The following HECW2 variants were observed in gnomAD, a reference collection of about 807,000 sequenced individuals.
The protein encoded by HECW2 is E3 ubiquitin-protein ligase HECW2.
Under a neutral mutation model 175.2 loss-of-function variants are expected in HECW2, and 61 were observed. The ratio of observed to expected loss-of-function variants is 0.35; its 90% CI spans 0.28 to 0.43. The LOEUF is 0.43. Among genes scored for constraint, HECW2 ranks in the 20% least tolerant of loss-of-function variants. The pLI, the probability that HECW2 is intolerant of heterozygous loss-of-function variation, is 1.00. For synonymous variants in HECW2, 671 were observed against 731.0 expected (o/e 0.92, Z 1.32); for missense variants, 1,524 against 2,000.5 (o/e 0.76, Z 4.54).
At chr2:196,458,335 T>G (rs1276883269) in intron 1 of HECW2, among the ~76,000 whole-genome samples, 6 of 152,050 alleles carry the variant, frequency 3.9e-5, no homozygotes, top group Non-Finnish European at 8.8e-5. Flanking sequence ...ACCAATTCTA[T>G]TAAATTCTAC....
At chr2:196,283,341 T>G (rs1446749082) in intron 14 of HECW2, among the ~76,000 whole-genome samples, 1 of 149,474 alleles carries the variant, frequency 6.7e-6, no homozygotes, top group Non-Finnish European at 1.5e-5. Context: ...AACCCTAGAC[T>G]GCCTACCTCT....
intron 2 of HECW2, among the ~76,000 whole-genome samples, chr2:196,388,938 A>C (rs918349370): frequency 5.9e-5 from 9 of 152,218 alleles, no homozygotes; most frequent in African/African-American, 2.2e-4. Flanking sequence ...AAGCATGGTT[A>C]CTGCCACTCT....
In HECW2 at chr2:196,362,225, C is replaced by G. The variant is rs540130529; in HGVS notation, c.293-18461G>C. The G allele has an allele frequency of 1.3e-5, 13 of 984,742 alleles. No homozygotes were observed. The South Asian group carries it at 5.6e-4, about 43-fold the overall frequency. The allele number at this position is 984,742 out of a possible 1,614,324, so 61.0% of individuals were successfully genotyped here. A position where few individuals can be genotyped will look rare whatever the true frequency, so the allele number is the denominator to read the frequency against. On this transcript the variant is annotated intron_variant, in intron 2 of 28. Coordinates refer to ENST00000644978, the MANE Select transcript of HECW2 (RefSeq NM_001348768.2). ...CGGCTGAGGCAGTCGTGGCCACACCCCTGTAAAGGGTACAGGATGCAATCG... is the reference window on the plus strand; with the variant it reads ...CGGCTGAGGCAGTCGTGGCCACACCGCTGTAAAGGGTACAGGATGCAATCG...
At position 196,335,534 on chromosome 2, in the gene HECW2, T is replaced by C. The variant is rs1386559608; in HGVS notation, c.401-1016A>G. ...AGTGGGGCTGCTCAATGTATTTCCCTAAGGAAGTTCATCTTTCACTGACTT... is the reference window on the plus strand; with the variant it reads ...AGTGGGGCTGCTCAATGTATTTCCCCAAGGAAGTTCATCTTTCACTGACTT... On this transcript the variant is annotated intron_variant, in intron 3 of 28. Coordinates refer to ENST00000644978, the MANE Select transcript of HECW2 (RefSeq NM_001348768.2). 2.0e-5 allele frequency among the ~76,000 whole-genome samples: 3 copies of C among 152,180 alleles called. No homozygotes were observed. The East Asian group carries it at 5.8e-4, about 29-fold the overall frequency.
chr2:196,298,484 C>CT (rs998943983), intron 13 of HECW2, among the ~76,000 whole-genome samples: 201 of 151,280 alleles, frequency 1.3e-3, no homozygotes, highest in Non-Finnish European at 2.5e-3. Context: ...ATCTATTTTT[C>CT]TTTTTTTTTA....
At position 196,524,810 on chromosome 2, in the gene HECW2, G is replaced by T. The variant is rs1318976426; in HGVS notation, c.-36+68698C>A. On this transcript the variant is annotated intron_variant, in intron 1 of 28. Coordinates refer to ENST00000644978, the MANE Select transcript of HECW2 (RefSeq NM_001348768.2). ...CTTTGAGTGAGATTCTTAATCCTGA[G>T]TTCTAGTTTGATTGCACTGTGGTCT... is the stretch of plus-strand genomic sequence containing the variant. Among the ~76,000 whole-genome samples, 10 of 117,420 alleles carry T rather than the reference G, an allele frequency of 8.5e-5. 1 individual carries two copies. The highest frequency in any genetic ancestry group is 1.4e-4 in the Non-Finnish European group (9 of 62,148). The allele number at this position is 117,420 out of a possible 152,430, so 77.0% of individuals were successfully genotyped here.
chr2:196,546,747 C>T (rs1451805168), intron 1 of HECW2, among the ~76,000 whole-genome samples: 1 of 149,628 alleles, frequency 6.7e-6, no homozygotes, highest in African/African-American at 2.5e-5. Flanking sequence ...GATTAGGCAA[C>T]ACAACAAGAT....
intron 2 of HECW2, among the ~76,000 whole-genome samples, chr2:196,407,817 G>A (rs891619306): frequency 2.6e-5 from 4 of 152,202 alleles, no homozygotes; most frequent in Non-Finnish European, 1.5e-5. Context: ...TAAAGTTGAT[G>A]TTTTATTCAT....
At chr2:196,560,287 A>G (rs976804322) in intron 1 of HECW2, among the ~76,000 whole-genome samples, 2 of 152,260 alleles carry the variant, frequency 1.3e-5, no homozygotes, top group East Asian at 3.9e-4. Flanking sequence ...CTGGGATTAC[A>G]GGTACCCATC....
chr2:196,353,881 T>C (rs540957849), intron 2 of HECW2, among the ~76,000 whole-genome samples: 3 of 152,304 alleles, frequency 2.0e-5, no homozygotes, highest in African/African-American at 7.2e-5. Context: ...ATAGATGACC[T>C]GACTTAGGGT....
intron 24 of HECW2, among the ~76,000 whole-genome samples, chr2:196,222,000 A>C (rs1032559336): frequency 2.6e-5 from 4 of 152,244 alleles, no homozygotes; most frequent in Admixed American, 2.0e-4. Context: ...AACAGTTATC[A>C]CCATCTGTAA....
chr2:196,503,535 G>A (rs187048739), intron 1 of HECW2, among the ~76,000 whole-genome samples: 263 of 152,268 alleles, frequency 1.7e-3, no homozygotes, highest in Middle Eastern at 3.4e-3. Context: ...TGATGCTACT[G>A]AGTGCTCCCC....
chr2:196,567,446 T>A (rs1478263432), intron 1 of HECW2, among the ~76,000 whole-genome samples: 4 of 152,152 alleles, frequency 2.6e-5, no homozygotes, highest in Non-Finnish European at 4.4e-5. Flanking sequence ...GGTTTGGCAG[T>A]TGGGTCCCTC....
At chr2:196,490,319 T>C (rs1205156770) in intron 1 of HECW2, among the ~76,000 whole-genome samples, 1 of 152,250 alleles carries the variant, frequency 6.6e-6, no homozygotes, top group Non-Finnish European at 1.5e-5. Flanking sequence ...TCTCTCCCTT[T>C]TTTGTTTCAT....
intron 2 of HECW2, among the ~76,000 whole-genome samples, chr2:196,362,507 C>A (rs1693624746): frequency 6.6e-6 from 1 of 152,122 alleles, no homozygotes; most frequent in Admixed American, 6.5e-5. Flanking sequence ...TCAGACATAG[C>A]ATTCATTTAG....
At chr2:196,344,639 A>G (rs563512461) in intron 2 of HECW2, among the ~76,000 whole-genome samples, 1 of 152,336 alleles carries the variant, frequency 6.6e-6, no homozygotes, top group South Asian at 2.1e-4. Context: ...AGAATAGGAA[A>G]TGAAACTAGA....
chr2:196,307,921 A>G lies in HECW2; in HGVS notation c.2585+14T>C. On this transcript the variant is annotated intron_variant, in intron 11 of 28. Coordinates refer to ENST00000644978, the MANE Select transcript of HECW2 (RefSeq NM_001348768.2). ...CACAAAATACAACAGTCACAGCAAA[A>G]TGTTCATCCTCACCGCCGGTTCAGC... 2.7e-6 allele frequency: 4 copies of G among 1,509,316 alleles called. No homozygotes were observed. The highest frequency in any genetic ancestry group is 2.7e-6 in the Non-Finnish European group (3 of 1,114,826). The allele number at this position is 1,509,316 out of a possible 1,614,324, so 93.5% of individuals were successfully genotyped here.
intron 24 of HECW2, 45 bp from the exon 25 acceptor site, chr2:196,220,986 AATGTT>A: frequency 6.3e-7 from 1 of 1,598,200 alleles, no homozygotes; most frequent in Non-Finnish European, 8.6e-7. Flanking sequence ...CAATACTCTT[AATGTT>A]ATAACAACAT....
chr2:196,330,242 G>A (rs1250098443), intron 4 of HECW2, among the ~76,000 whole-genome samples: 1 of 152,112 alleles, frequency 6.6e-6, no homozygotes, highest in Non-Finnish European at 1.5e-5. Flanking sequence ...AAGCTTTTGA[G>A]TAAATTATAC....
Sources: allele counts gnomAD v4.1 joint callset (sites outside exome capture counted in the v4.1 genomes callset), GRCh38; gene constraint gnomAD v4.1.1; transcripts MANE v1.5; gene names NCBI Gene and HGNC (gene_info 2026-07-23, HGNC 2026-07-21).